The following MAPK4 variants were observed in gnomAD, a reference collection of about 807,000 sequenced individuals.
MAPK4 encodes the protein mitogen-activated protein kinase 4.
Under a neutral mutation model 47.7 loss-of-function variants are expected in MAPK4, and 22 were observed. The ratio of observed to expected loss-of-function variants is 0.46; its 90% confidence interval spans 0.33 to 0.66. The LOEUF (loss-of-function observed/expected upper bound fraction) is 0.66, where lower values mean the gene tolerates loss of function less well. Ranked by LOEUF, MAPK4 falls within the 30% of genes least tolerant of loss-of-function variation. The pLI is 0.02. For missense variants in MAPK4, 736 were observed against 831.7 expected (o/e 0.88, Z 1.42); for synonymous variants, 390 against 365.7 (o/e 1.07, Z -0.76).
At chr18:50,634,082 C>T (rs2042857075) in intron 1 of MAPK4, among the ~76,000 whole-genome samples, 1 of 152,072 alleles carries the variant, frequency 6.6e-6, no homozygotes, top group Non-Finnish European at 1.5e-5. Context: ...CAGAAAGAAA[C>T]CTTTTTATAA....
At chr18:50,565,438 C>A (rs1306045406) in intron 1 of MAPK4, among the ~76,000 whole-genome samples, 1 of 152,168 alleles carries the variant, frequency 6.6e-6, no homozygotes, top group Non-Finnish European at 1.5e-5. Context: ...TCAGGTCACT[C>A]TAATGGTATT....
chr18:50,696,211 T>C (rs1909506887), intron 2 of MAPK4, among the ~76,000 whole-genome samples: 1 of 152,190 alleles, frequency 6.6e-6, no homozygotes. Flanking sequence ...CCTAGAAGGA[T>C]TCATAAAGAA....
chr18:50,588,027 G>A (rs886803081), intron 1 of MAPK4, among the ~76,000 whole-genome samples: 1 of 152,000 alleles, frequency 6.6e-6, no homozygotes, highest in African/African-American at 2.4e-5. Flanking sequence ...TACCATGCCT[G>A]GCCTCAATGA....
intron 1 of MAPK4, among the ~76,000 whole-genome samples, chr18:50,614,722 C>T (rs562616644): frequency 6.0e-4 from 91 of 152,222 alleles, no homozygotes; most frequent in African/African-American, 2.1e-3. Flanking sequence ...TTAAAGGTTA[C>T]GAATTGTTTA....
intron 1 of MAPK4, among the ~76,000 whole-genome samples, chr18:50,589,423 C>T (rs2042415972): frequency 6.6e-6 from 1 of 151,996 alleles, no homozygotes; most frequent in Non-Finnish European, 1.5e-5. Context: ...GGTGAAACCC[C>T]GTCTCTACTA....
intron 2 of MAPK4, among the ~76,000 whole-genome samples, chr18:50,706,600 A>C (rs1013404526): frequency 6.6e-6 from 1 of 152,140 alleles, no homozygotes; most frequent in Non-Finnish European, 1.5e-5. Flanking sequence ...GCATCTTACT[A>C]AAAGAAGCCA....
At position 50,726,814 on chromosome 18, in the gene MAPK4, C is replaced by T. The variant is rs574497334; in HGVS notation, c.1067+639C>T. 5.3e-5 allele frequency among the ~76,000 whole-genome samples: 8 copies of T among 151,836 alleles called. No individual in the cohort carries two copies. In the East Asian group the frequency reaches 1.6e-3, roughly 29 times the overall value. ...ACTGGGAAGGCTGAGGCTGGGGAATCCCTTGAGCCCAGAAGTTTGAGGTTG... is the reference window on the plus strand; with the variant it reads ...ACTGGGAAGGCTGAGGCTGGGGAATTCCTTGAGCCCAGAAGTTTGAGGTTG... On this transcript the variant is annotated intron_variant, in intron 5 of 5. Transcript: ENST00000400384.
intron 1 of MAPK4, among the ~76,000 whole-genome samples, chr18:50,565,135 A>G (rs1338975753): frequency 6.6e-6 from 1 of 152,250 alleles, no homozygotes; most frequent in African/African-American, 2.4e-5. Flanking sequence ...AGGAGCTAAG[A>G]GAATGTTCTC....
At chr18:50,601,532 C>A (rs932437232) in intron 1 of MAPK4, among the ~76,000 whole-genome samples, 31 of 152,166 alleles carry the variant, frequency 2.0e-4, no homozygotes, top group African/African-American at 7.5e-4. Context: ...CACCACTTCT[C>A]TTCCTCTTTC....
intron 1 of MAPK4, among the ~76,000 whole-genome samples, chr18:50,607,021 A>G (rs972360430): frequency 6.6e-6 from 1 of 152,242 alleles, no homozygotes; most frequent in African/African-American, 2.4e-5. Context: ...GGCAGTGTTA[A>G]GCCAGTGCGA....
intron 1 of MAPK4, among the ~76,000 whole-genome samples, chr18:50,656,459 G>A (rs896037197): frequency 2.6e-5 from 4 of 152,222 alleles, no homozygotes; most frequent in Non-Finnish European, 4.4e-5. Flanking sequence ...CCCCAAAAGC[G>A]AACAGGAGAG....
chr18:50,673,074 C>T (rs969492438), intron 2 of MAPK4, among the ~76,000 whole-genome samples: 5 of 151,600 alleles, frequency 3.3e-5, no homozygotes, highest in South Asian at 4.2e-4. Context: ...GTCAGGAGTT[C>T]AAGACCAGCC....
rs780530095 is a variant in MAPK4, at chr18:50,722,034, T to C, written c.788T>C (p.Phe263Ser). Residue 263 changes from phenylalanine to serine, a missense_variant, in exon 4 of 6, where the codon TTT becomes TCT. This residue lies in a region of MAPK4 where 327 missense variants were observed against 395.4 expected (regional missense o/e 0.83). Transcript: ENST00000400384. ...KDELLRVMPS[F>S]VSSTWEVKRP... ...GAGCTGCTCAGGGTGATGCCTTCCT[T>C]TGTCAGCAGCACCTGGGAGGTGAAG... is the stretch of plus-strand genomic sequence containing the variant. The C allele has an allele frequency of 2.5e-6, 4 of 1,613,736 alleles. No homozygotes were observed. The highest frequency in any genetic ancestry group is 2.5e-6 in the Non-Finnish European group (3 of 1,179,912).
intron 3 of MAPK4, among the ~76,000 whole-genome samples, chr18:50,718,847 C>G (rs1217387228): frequency 6.6e-6 from 1 of 151,750 alleles, no homozygotes; most frequent in Non-Finnish European, 1.5e-5. Context: ...TTTGGGAGGC[C>G]GAGGTGGGCG....
rs186824724 is a variant in MAPK4 at position 50,638,914 on chromosome 18, C to T, written c.-870-24175C>T. On this transcript the variant is annotated intron_variant, in intron 1 of 5. Transcript: ENST00000400384. ...GGAACTGAGACTCAGCAGTATTAAA[C>T]CACCTGCCCAAGGTGCTATGCTAGG... 1.4e-4 allele frequency among the ~76,000 whole-genome samples: 21 copies of T among 152,294 alleles called. No homozygotes were observed. The East Asian group carries it at 4.1e-3, about 29-fold the overall frequency.
At chr18:50,658,622 A>C (rs1220657484) in intron 1 of MAPK4, among the ~76,000 whole-genome samples, 2 of 152,216 alleles carry the variant, frequency 1.3e-5, no homozygotes, top group Non-Finnish European at 2.9e-5. Context: ...TTAAGATGCA[A>C]GTGGGGTTGC....
intron 1 of MAPK4, among the ~76,000 whole-genome samples, chr18:50,632,106 G>A (rs577897151): frequency 6.6e-6 from 1 of 152,144 alleles, no homozygotes; most frequent in East Asian, 1.9e-4. Context: ...CTTCCAAATG[G>A]GGCCCCAGAG....
intron 1 of MAPK4, among the ~76,000 whole-genome samples, chr18:50,570,871 G>C (rs1047792001): frequency 6.6e-6 from 1 of 152,224 alleles, no homozygotes; most frequent in Non-Finnish European, 1.5e-5. Flanking sequence ...GGGAGCCTGA[G>C]TGGTGGGAAC....
intron 1 of MAPK4, among the ~76,000 whole-genome samples, chr18:50,641,553 A>G (rs2042941618): frequency 1.3e-5 from 2 of 152,188 alleles, no homozygotes; most frequent in African/African-American, 4.8e-5. Flanking sequence ...TTATTTATCA[A>G]ATTTCAACAT....
Sources: gnomAD v4.1 joint callset for allele counts (sites outside exome capture counted in the v4.1 genomes callset) on GRCh38, gnomAD v4.1.1 for gene constraint, gnomAD v4.1.1 regional missense constraint, MANE v1.5 for transcripts, NCBI Gene and HGNC (gene_info 2026-07-23, HGNC 2026-07-21) for gene names.